Variants in WEE1 observed in about 807,000 individuals in gnomAD.
WEE1 encodes WEE1 G2 checkpoint kinase.
WEE1 carries 16 observed loss-of-function variants against 68.8 expected under a neutral mutation model. The observed-to-expected ratio is 0.23, with a 90% CI of 0.16 to 0.35. The LOEUF is 0.35. WEE1 is among the 10% of genes least tolerant of loss of function. The pLI, the probability that WEE1 is intolerant of heterozygous loss-of-function variation, is 1.00. For missense variants in WEE1, 651 were observed against 824.1 expected (o/e 0.79, Z 2.57); for synonymous variants, 349 against 318.7 (o/e 1.09, Z -1.01).
Position 9,574,957 on chromosome 11 carries a change from T to C in WEE1, c.576+448T>C, listed in dbSNP as rs1396698196. On this transcript the variant is annotated intron_variant, in intron 1 of 10. Transcript: ENST00000450114. The surrounding 1 kb of genome is among the most constrained non-coding windows in gnomAD (Gnocchi z 4.9). ...CAGAAGGAGTTTAAAGAAAAATAAT[T>C]GTCCCGCCCTGATCGTGTCGTGTCG... 1 of 985,502 alleles carries C rather than the reference T, an allele frequency of 1.0e-6. No homozygotes were observed. Among genetic ancestry groups the C allele is most frequent in the African/African-American group, 1.7e-5 (1 of 57,344 alleles). The allele number at this position is 985,502 out of a possible 1,614,324, so 61.0% of individuals were successfully genotyped here.
rs1849727923 is a variant in WEE1 at position 9,588,558 on chromosome 11, A to G, written c.1897A>G (p.Ile633Val). The G allele has an allele frequency of 1.9e-6, 3 of 1,610,186 alleles. No individual in the cohort carries two copies. The highest frequency in any genetic ancestry group is 2.5e-6 in the Non-Finnish European group (3 of 1,179,034). The change falls in exon 11 of 11, where the codon ATT becomes GTT. Residue 633 changes from isoleucine to valine, a missense_variant. Ile to Val is a conservative substitution (Grantham distance 29). Around this residue, in one of 5 missense-constraint regions of WEE1, gnomAD observed 115 missense variants for 142.7 expected, o/e 0.81. Coordinates refer to ENST00000450114, the MANE Select transcript of WEE1 (RefSeq NM_003390.4). Reference protein sequence around the residue: ...TTQSNRTSRLIGKKMNRSVSL... With the variant: ...TTQSNRTSRLVGKKMNRSVSL... ...CCAGAGTAATAGAACATCTCGACTTATTGGAAAGAAAATGAACCGCTCTGT... is the reference window on the plus strand; with the variant it reads ...CCAGAGTAATAGAACATCTCGACTTGTTGGAAAGAAAATGAACCGCTCTGT...
chr11:9,583,761 GCACACACACA>G (rs1157681380), intron 6 of WEE1, among the ~76,000 whole-genome samples: 23 of 48,938 alleles, frequency 4.7e-4, no homozygotes, highest in African/African-American at 1.2e-3. Flanking sequence ...GCACGCGCGC[GCACACACACA>G]CACACACACA....
intron 10 of WEE1, among the ~76,000 whole-genome samples, chr11:9,587,696 ATATT>A (rs1464564496): frequency 1.3e-5 from 2 of 152,246 alleles, no homozygotes; most frequent in African/African-American, 4.8e-5. Context: ...ATATTGGAGA[ATATT>A]AAGTTACCAC....
At chr11:9,583,767 A>G (rs1243784347) in intron 6 of WEE1, among the ~76,000 whole-genome samples, 11 of 37,100 alleles carry the variant, frequency 3.0e-4, no homozygotes, top group East Asian at 7.9e-4. Context: ...GCGCGCACAC[A>G]CACACACACA....
In WEE1 at chr11:9,589,513, G is replaced by A. The variant is rs1589982743; in HGVS notation, c.*911G>A. 2.0e-6 allele frequency: 2 copies of A among 985,322 alleles called. No homozygotes were observed. The highest frequency in any genetic ancestry group is 9.4e-5 in the South Asian group (2 of 21,278). 61.0% of individuals were successfully genotyped at this position (985,322 alleles called of 1,614,324 possible). ...TCTTCAATATTTGTGTATATAAACC[G>A]ATCTTCGTGATACTGTACATAGCTG... On this transcript the variant is annotated 3_prime_UTR_variant, in exon 11 of 11. Transcript: ENST00000450114.
chr11:9,579,721 T>G, intron 5 of WEE1: 1 of 151,828 alleles, frequency 6.6e-6, no homozygotes, highest in East Asian at 1.9e-4. Flanking sequence ...CTGACAGCGT[T>G]ATTGGTTTGC....
At chr11:9,585,017 G>C (rs1400674471) in intron 6 of WEE1, among the ~76,000 whole-genome samples, 1 of 152,154 alleles carries the variant, frequency 6.6e-6, no homozygotes, top group East Asian at 1.9e-4. Flanking sequence ...AGTGAGCCAA[G>C]ATCATGCCAC....
chr11:9,587,003 C>A, intron 10 of WEE1, 147 bp downstream of exon 10: 1 of 893,596 alleles, frequency 1.1e-6, no homozygotes, highest in Non-Finnish European at 1.7e-6. Context: ...TCACTGTCAT[C>A]AGGCTGGAGT....
At chr11:9,582,084 G>A (rs1477104301) in intron 6 of WEE1, among the ~76,000 whole-genome samples, 2 of 152,190 alleles carry the variant, frequency 1.3e-5, no homozygotes, top group South Asian at 2.1e-4. Context: ...GGAACTACAG[G>A]TGGGATACTA....
chr11:9,587,343 G>A (rs1849712610), intron 10 of WEE1, among the ~76,000 whole-genome samples: 1 of 152,064 alleles, frequency 6.6e-6, no homozygotes, highest in African/African-American at 2.4e-5. Context: ...AATTTGTGTT[G>A]TTTCTAAACT....
chr11:9,576,171 AT>A lies in WEE1; in HGVS notation c.783-56del, dbSNP rs1231172766. 6.3e-7 allele frequency: 1 copy of A among 1,598,874 alleles called. No homozygotes were observed. Among genetic ancestry groups the A allele is most frequent in the African/African-American group, 1.3e-5 (1 of 74,410 alleles). ...GTATACTTATCAAAATTTAGTTCCT[AT>A]TTAATGGCATGGATGTATCTGTCAG... On this transcript the variant is annotated intron_variant, in intron 2 of 10. Transcript: ENST00000450114. This position sits in a 1 kb window ranked among gnomAD's most constrained non-coding sequence, Gnocchi z 4.3.
At chr11:9,577,775 T>A (rs945843080) in intron 5 of WEE1, 11 of 436,104 alleles carry the variant, frequency 2.5e-5, no homozygotes, top group Non-Finnish European at 5.0e-5. Context: ...CACTAACGCT[T>A]TATTATGTTA....
intron 1 of WEE1, 22 bp from the exon 2 acceptor site, chr11:9,575,865 TA>T: frequency 6.2e-7 from 1 of 1,609,606 alleles, no homozygotes; most frequent in South Asian, 1.1e-5. Context: ...CTAAAAATTG[TA>T]TTTGTATTTT....
Position 9,574,325 on chromosome 11 carries a change from C to A in WEE1, c.392C>A (p.Pro131His). Residue 131 changes from proline to histidine, a missense_variant, in exon 1 of 11, where the codon CCC becomes CAC. Around this residue, in one of 5 missense-constraint regions of WEE1, gnomAD observed 395 missense variants for 378.4 expected, o/e 1.04. Coordinates refer to ENST00000450114, the MANE Select transcript of WEE1 (RefSeq NM_003390.4). The surrounding 1 kb of genome is among the most constrained non-coding windows in gnomAD (Gnocchi z 4.9). ...TCGCCGGTCAAGTCGCCGGCGGCCCCCTACTTCCTGGGTAGCTCTTTCTCG... is the reference window on the plus strand; with the variant it reads ...TCGCCGGTCAAGTCGCCGGCGGCCCACTACTTCCTGGGTAGCTCTTTCTCG... The part of the protein sequence containing the change: ...SSSPVKSPAA[P>H]YFLGSSFSPV... 7.8e-7 allele frequency: 1 copy of A among 1,274,992 alleles called. No homozygotes were observed. Among genetic ancestry groups the A allele is most frequent in the Non-Finnish European group, 9.9e-7 (1 of 1,008,986 alleles). The allele number at this position is 1,274,992 out of a possible 1,614,324, so 79.0% of individuals were successfully genotyped here.
chr11:9,575,091 T>C, intron 1 of WEE1: 16 of 985,486 alleles, frequency 1.6e-5, no homozygotes, highest in Non-Finnish European at 1.8e-5. Flanking sequence ...TCATCCTAAG[T>C]CCAGGCAGTA....
chr11:9,589,731 A>G lies in WEE1; in HGVS notation c.*1129A>G. 1.0e-6 allele frequency: 1 copy of G among 985,190 alleles called. No individual in the cohort carries two copies. 61.0% of individuals were successfully genotyped at this position (985,190 alleles called of 1,614,324 possible). A position where few individuals can be genotyped will look rare whatever the true frequency, so the allele number is the denominator to read the frequency against. ...GTGTTTTATTAACATTGATTGGCAT[A>G]TTAAAAGTCACTCTGAGCTTACCTT... On this transcript the variant is annotated 3_prime_UTR_variant, in exon 11 of 11. Transcript: ENST00000450114.
chr11:9,581,950 C>T (rs1395619374), intron 6 of WEE1, among the ~76,000 whole-genome samples: 1 of 152,188 alleles, frequency 6.6e-6, no homozygotes, highest in African/African-American at 2.4e-5. Flanking sequence ...TGCAACTTCC[C>T]CATCCCGTGC....
chr11:9,584,210 A>G (rs1275968078), intron 6 of WEE1, among the ~76,000 whole-genome samples: 1 of 151,998 alleles, frequency 6.6e-6, no homozygotes, highest in Admixed American at 6.6e-5. Flanking sequence ...ATTATAGCTC[A>G]CTGCAGCTTT....
chr11:9,578,824 T>G (rs1397882218), intron 5 of WEE1: 1 of 152,090 alleles, frequency 6.6e-6, no homozygotes, highest in Non-Finnish European at 1.5e-5. Flanking sequence ...CCTCTCAGAT[T>G]ACAAAAACCT....
Sources: allele counts gnomAD v4.1 joint callset (sites outside exome capture counted in the v4.1 genomes callset), GRCh38; gene constraint gnomAD v4.1.1; regional missense constraint gnomAD v4.1.1; non-coding constraint Gnocchi (gnomAD v3.1); transcripts MANE v1.5; gene names NCBI Gene and HGNC (gene_info 2026-07-23, HGNC 2026-07-21).